Variants in PACRGL observed in about 807,000 individuals in gnomAD.
PACRGL encodes the protein PACRG-like protein.
A neutral mutation model predicts 34.5 loss-of-function variants in PACRGL; 38 were observed. That is an observed-to-expected ratio of 1.10 (90% CI 0.85 to 1.44). The LOEUF (loss-of-function observed/expected upper bound fraction) is 1.44, where lower values mean the gene tolerates loss of function less well. PACRGL is among the 40% of genes most tolerant of loss of function. The pLI is 0.00. For missense variants in PACRGL, 305 were observed against 281.4 expected (o/e 1.08, Z -0.60); for synonymous variants, 128 against 100.1 (o/e 1.28, Z -1.66).
Position 20,730,205 on chromosome 4 carries a change from T to C in PACRGL, c.*2864T>C. On this transcript the variant is annotated 3_prime_UTR_variant, in exon 9 of 9. Coordinates refer to ENST00000503585, the MANE Select transcript of PACRGL (RefSeq NM_001258345.3). ...AGTACACTATTTTGCCCCTGAGTAT[T>C]GCCTCCTCCCATCAACCACCTCAAC... The C allele has an allele frequency of 1.5e-5, 23 of 1,490,060 alleles. No individual in the cohort carries two copies. The highest frequency in any genetic ancestry group is 2.1e-5 in the Non-Finnish European group (23 of 1,115,694). The allele number at this position is 1,490,060 out of a possible 1,614,324, so 92.3% of individuals were successfully genotyped here.
At chr4:20,721,162 G>T (rs1247884507) in intron 7 of PACRGL, among the ~76,000 whole-genome samples, 1 of 152,116 alleles carries the variant, frequency 6.6e-6, no homozygotes, top group Admixed American at 6.5e-5. Context: ...TCGTGCCATG[G>T]TGTTCAGCTC....
At chr4:20,721,809 A>G (rs978748049) in intron 7 of PACRGL, among the ~76,000 whole-genome samples, 15 of 152,184 alleles carry the variant, frequency 9.9e-5, no homozygotes, top group Admixed American at 2.6e-4. Context: ...CCGTTCTCAG[A>G]TCTCAAACTC....
chr4:20,708,983 T>C (rs896908957), intron 4 of PACRGL, among the ~76,000 whole-genome samples: 1 of 123,638 alleles, frequency 8.1e-6, no homozygotes, highest in Non-Finnish European at 1.7e-5. Flanking sequence ...AAAAAAAAAA[T>C]ACAAAATTAG....
chr4:20,767,025 C>A, the PACRGL span: 2 of 152,158 alleles, frequency 1.3e-5, no homozygotes, highest in African/African-American at 4.8e-5. Flanking sequence ...AGCCCTCTAC[C>A]TTACACATCA....
chr4:20,722,289 T>C (rs1743694034), intron 7 of PACRGL, among the ~76,000 whole-genome samples: 1 of 152,204 alleles, frequency 6.6e-6, no homozygotes, highest in African/African-American at 2.4e-5. Context: ...AGGCGATGCC[T>C]CGCCCTGCTT....
intron 8 of PACRGL, among the ~76,000 whole-genome samples, chr4:20,738,679 G>A (rs532190890): frequency 3.9e-5 from 6 of 152,314 alleles, no homozygotes; most frequent in African/African-American, 1.4e-4. Flanking sequence ...CATGAGCAAC[G>A]CAGAAGATGG....
rs529091598 is a variant in PACRGL at position 20,730,295 on chromosome 4, T to G, written c.*2954T>G. On this transcript the variant is annotated 3_prime_UTR_variant, in exon 9 of 9. Transcript: ENST00000503585. ...GTAAATGCCATTCTATTCTATCCATTTTCCACATAGATGACTATGAAGGAC... is the reference window on the plus strand; with the variant it reads ...GTAAATGCCATTCTATTCTATCCATGTTCCACATAGATGACTATGAAGGAC... Among the ~76,000 whole-genome samples, 2 of 152,362 alleles carry G rather than the reference T, an allele frequency of 1.3e-5. No individual in the cohort carries two copies. Among genetic ancestry groups the G allele is most frequent in the East Asian group, 3.9e-4 (2 of 5,180 alleles).
the PACRGL span, among the ~76,000 whole-genome samples, chr4:20,766,367 A>G: frequency 6.6e-6 from 1 of 152,158 alleles, no homozygotes; most frequent in African/African-American, 2.4e-5. Flanking sequence ...TCAGTTCGAG[A>G]CCAGCTTGGA....
At position 20,704,525 on chromosome 4, in the gene PACRGL, G is replaced by A. The variant is rs1267909016; in HGVS notation, c.44G>A (p.Arg15Lys). The A allele has an allele frequency of 6.2e-7, 1 of 1,613,920 alleles. No individual in the cohort carries two copies. The highest frequency in any genetic ancestry group is 8.5e-7 in the Non-Finnish European group (1 of 1,179,926). Residue 15 changes from arginine to lysine, a missense_variant, in exon 2 of 9, where the codon AGA (arginine) becomes AAA (lysine). Coordinates refer to ENST00000503585, the MANE Select transcript of PACRGL (RefSeq NM_001258345.3). ...EGSGGTQLKN[R>K]ATGNYDQRTS... ...TCTGGAGGTACACAGTTGAAAAACA[G>A]AGCAACAGGTACAGAGCTTTTGTTT... is the stretch of plus-strand genomic sequence containing the variant.
chr4:20,722,866 C>A (rs555292112), intron 7 of PACRGL, among the ~76,000 whole-genome samples: 1 of 152,158 alleles, frequency 6.6e-6, no homozygotes, highest in Non-Finnish European at 1.5e-5. Context: ...TTAGATAGGA[C>A]CTCCCTGTCT....
intron 8 of PACRGL, among the ~76,000 whole-genome samples, chr4:20,750,193 T>C (rs780838881): frequency 2.6e-5 from 4 of 152,170 alleles, no homozygotes; most frequent in Non-Finnish European, 5.9e-5. Flanking sequence ...GAAAATGATA[T>C]TGGGAATTAG....
At chr4:20,755,889 T>C (rs1024526137), downstream of PACRGL, among the ~76,000 whole-genome samples, 2 of 150,480 alleles carry the variant, frequency 1.3e-5, no homozygotes, top group Non-Finnish European at 3.0e-5. Flanking sequence ...CTGGGTGGGG[T>C]AAGTTGGGTG....
chr4:20,699,662 G>C (rs1007681650), upstream of PACRGL, among the ~76,000 whole-genome samples: 9 of 152,132 alleles, frequency 5.9e-5, no homozygotes, highest in Admixed American at 4.6e-4. Context: ...CAAAAAGTTA[G>C]GGCTTTGGGT....
intron 8 of PACRGL, among the ~76,000 whole-genome samples, chr4:20,745,789 G>C (rs907076695): frequency 6.6e-6 from 1 of 152,124 alleles, no homozygotes; most frequent in Non-Finnish European, 1.5e-5. Context: ...CTATGCTGGG[G>C]ACAATCCTCC....
chr4:20,707,222 A>C (rs1734909033), intron 3 of PACRGL, among the ~76,000 whole-genome samples: 1 of 152,204 alleles, frequency 6.6e-6, no homozygotes, highest in East Asian at 1.9e-4. Flanking sequence ...CATCCCTTAA[A>C]TCATCTTTAA....
chr4:20,727,492 T>A lies in PACRGL; in HGVS notation c.*151T>A. On this transcript the variant is annotated 3_prime_UTR_variant, in exon 9 of 9. Coordinates refer to ENST00000503585, the MANE Select transcript of PACRGL (RefSeq NM_001258345.3). The stretch of plus-strand genomic sequence containing the variant: ...ATAGACACTGAATCAAAGTTATTCA[T>A]CAACAAAAAAGAACAGTTACTAATG... 5.1e-6 allele frequency: 3 copies of A among 583,412 alleles called. No homozygotes were observed. The highest frequency in any genetic ancestry group is 1.9e-5 in the African/African-American group (1 of 53,552). 36.1% of individuals were successfully genotyped at this position (583,412 alleles called of 1,614,324 possible).
chr4:20,724,867 G>A lies in PACRGL; in HGVS notation c.669G>A (p.Lys223=). 4 of 1,491,460 alleles carry A rather than the reference G, an allele frequency of 2.7e-6. No individual in the cohort carries two copies. 92.4% of individuals were successfully genotyped at this position (1,491,460 alleles called of 1,614,324 possible). A position where few individuals can be genotyped will look rare whatever the true frequency, so the allele number is the denominator to read the frequency against. ...FKEPITSALQ[K]LEQHGGSGSL... Reference sequence around the variant, plus strand: ...AGCCAATCACCAGCGCATTACAAAAGCTAGAGCAACATGGTGGAAGTGTAA... The same window carrying A: ...AGCCAATCACCAGCGCATTACAAAAACTAGAGCAACATGGTGGAAGTGTAA... The change falls in exon 8 of 9, where the codon AAG becomes AAA. Residue 223 remains lysine (K), a synonymous_variant. Transcript: ENST00000503585.
downstream of PACRGL, chr4:20,734,700 C>T (rs1396194006): frequency 1.9e-6 from 3 of 1,594,218 alleles, no homozygotes; most frequent in East Asian, 4.5e-5. Context: ...CTTGTACTGT[C>T]CCCCGGAGCA....
At chr4:20,748,383 C>T (rs1245529881) in intron 8 of PACRGL, among the ~76,000 whole-genome samples, 7 of 151,888 alleles carry the variant, frequency 4.6e-5, no homozygotes, top group Non-Finnish European at 1.0e-4. Context: ...GTCCTTTAGA[C>T]AGTCCATCAG....
Sources: allele counts gnomAD v4.1 joint callset (sites outside exome capture counted in the v4.1 genomes callset), GRCh38; gene constraint gnomAD v4.1.1; transcripts MANE v1.5; gene names NCBI Gene and HGNC (gene_info 2026-07-23, HGNC 2026-07-21).